The following DGKI variants were observed in gnomAD, a reference collection of about 807,000 sequenced individuals.
DGKI encodes DAG kinase iota.
A neutral mutation model predicts 147.5 loss-of-function variants in DGKI; 55 were observed. The observed-to-expected ratio is 0.37, with a 90% confidence interval of 0.30 to 0.47. The LOEUF (loss-of-function observed/expected upper bound fraction) is 0.47, where lower values mean the gene tolerates loss of function less well. Ranked by LOEUF, DGKI falls within the 20% of genes least tolerant of loss-of-function variation. The pLI is 1.00. For missense variants in DGKI, 1,007 were observed against 1,323.8 expected (o/e 0.76, Z 3.71); for synonymous variants, 469 against 477.1 (o/e 0.98, Z 0.22).
chr7:137,837,181 G>A (rs1334336868), intron 1 of DGKI, among the ~76,000 whole-genome samples: 4 of 152,124 alleles, frequency 2.6e-5, no homozygotes, highest in Non-Finnish European at 5.9e-5. Context: ...CTTAATTGAC[G>A]GTCCAGTGAA....
chr7:137,396,972 T>C (rs1417196837), intron 31 of DGKI, among the ~76,000 whole-genome samples: 1 of 152,236 alleles, frequency 6.6e-6, no homozygotes, highest in Non-Finnish European at 1.5e-5. Context: ...AGAGAGAAGT[T>C]ATGTCACTAC....
chr7:137,736,537 A>G (rs1238005316), intron 1 of DGKI, among the ~76,000 whole-genome samples: 2 of 152,158 alleles, frequency 1.3e-5, no homozygotes, highest in African/African-American at 4.8e-5. Context: ...CAATCAATAA[A>G]TTTAACTTCT....
At chr7:137,562,513 C>A (rs900459648) in intron 19 of DGKI, among the ~76,000 whole-genome samples, 1 of 151,770 alleles carries the variant, frequency 6.6e-6, no homozygotes, top group Non-Finnish European at 1.5e-5. Flanking sequence ...CCAGTCTGGG[C>A]AACAAGAGCA....
At chr7:137,627,550 C>CA (rs779825646) in intron 6 of DGKI, among the ~76,000 whole-genome samples, 48 of 152,038 alleles carry the variant, frequency 3.2e-4, no homozygotes, top group Non-Finnish European at 2.9e-5. Context: ...TCCTTCCAGG[C>CA]AAAAAAACTA....
intron 6 of DGKI, among the ~76,000 whole-genome samples, chr7:137,638,489 CACACAT>C (rs1821436963): frequency 1.7e-5 from 2 of 120,360 alleles, no homozygotes; most frequent in East Asian, 2.5e-4. Context: ...TATATATATA[CACACAT>C]ATATATGTAT....
Position 137,428,535 on chromosome 7 carries a change from T to C in DGKI, c.2761+15542A>G, listed in dbSNP as rs1402815447. ...CTCACCACTCCTATTTGACATAGTGTTGGAAGTTCTGGCCAGGGCAATTAG... is the reference window on the plus strand; with the variant it reads ...CTCACCACTCCTATTTGACATAGTGCTGGAAGTTCTGGCCAGGGCAATTAG... On this transcript the variant is annotated intron_variant, in intron 28 of 32. Coordinates refer to ENST00000614521, the MANE Select transcript of DGKI (RefSeq NM_001321708.2). Among the ~76,000 whole-genome samples the C allele has an allele frequency of 5.1e-3, 781 of 151,882 alleles. 9 individuals are homozygous for C. Among genetic ancestry groups the C allele is most frequent in the African/African-American group, 0.018 (733 of 41,164 alleles).
In DGKI at chr7:137,522,449, A is replaced by G. The variant is rs1427477344; in HGVS notation, c.2148-483T>C. Among the ~76,000 whole-genome samples the G allele has an allele frequency of 3.3e-5, 5 of 151,712 alleles. No individual in the cohort carries two copies. The East Asian group carries it at 7.8e-4, about 24-fold the overall frequency. On this transcript the variant is annotated intron_variant, in intron 20 of 32. Coordinates refer to ENST00000614521, the MANE Select transcript of DGKI (RefSeq NM_001321708.2). Reference sequence around the variant, plus strand: ...CCAGAAGCCACAGGGTTGAGACCGAAGTAGCTCTACACAGCTCAATAGCCT... The same window carrying G: ...CCAGAAGCCACAGGGTTGAGACCGAGGTAGCTCTACACAGCTCAATAGCCT...
intron 27 of DGKI, among the ~76,000 whole-genome samples, chr7:137,455,061 G>C (rs765561999): frequency 2.0e-5 from 3 of 152,112 alleles, no homozygotes; most frequent in Non-Finnish European, 4.4e-5. Context: ...CTCAGCCACA[G>C]CTACTTATTT....
intron 1 of DGKI, among the ~76,000 whole-genome samples, chr7:137,691,809 T>TTTTTGTTTTTTTTTTG (rs1823620113): frequency 7.1e-6 from 1 of 141,072 alleles, no homozygotes; most frequent in African/African-American, 2.8e-5. Flanking sequence ...TTTTTTTTTT[T>TTTTTGTTTTTTTTTTG]TTTTTTTTTT....
At chr7:137,485,912 A>G (rs1815539755) in intron 22 of DGKI, among the ~76,000 whole-genome samples, 1 of 152,134 alleles carries the variant, frequency 6.6e-6, no homozygotes, top group African/African-American at 2.4e-5. Context: ...CTACAAAGAG[A>G]AAATCACCAA....
chr7:137,632,775 C>T (rs554271427), intron 6 of DGKI, among the ~76,000 whole-genome samples: 15 of 152,238 alleles, frequency 9.9e-5, no homozygotes, highest in Non-Finnish European at 1.9e-4. Flanking sequence ...AGGAGAATTG[C>T]TTGAACCCAG....
In DGKI at chr7:137,846,523, T is replaced by A; in HGVS notation, c.340A>T (p.Lys114Ter). The A allele has an allele frequency of 6.4e-7, 1 of 1,573,042 alleles. No homozygotes were observed. Among genetic ancestry groups the A allele is most frequent in the Non-Finnish European group, 8.6e-7 (1 of 1,163,162 alleles). ...AGCTTCTCCTCCAGCGCTTCGTCCT[T>A]CTCCTTCTGGCCGGCGGCCGCGGGC... The part of the protein sequence containing the change: ...DEPAAAGQKE[K>*]DEALEEKLRN... The change falls in exon 1 of 33, where the codon AAG (lysine) becomes TAG (stop). Residue 114 changes from lysine to a stop codon, truncating the protein, a stop_gained. Coordinates refer to ENST00000614521, the MANE Select transcript of DGKI (RefSeq NM_001321708.2). LOFTEE classifies it high-confidence loss of function. The surrounding 1 kb of genome is among the most constrained non-coding windows in gnomAD (Gnocchi z 4.0).
At chr7:137,405,248 A>ATT (rs34385874) in intron 30 of DGKI, among the ~76,000 whole-genome samples, 6 of 151,176 alleles carry the variant, frequency 4.0e-5, no homozygotes, top group East Asian at 2.0e-4. Flanking sequence ...TATTGTTATC[A>ATT]TTTTTTTTTC....
At chr7:137,793,307 G>T (rs1395738370) in intron 1 of DGKI, among the ~76,000 whole-genome samples, 16 of 143,908 alleles carry the variant, frequency 1.1e-4, no homozygotes, top group Admixed American at 1.4e-4. Flanking sequence ...CCTTTTTTTT[G>T]TTTTTTTTTT....
At chr7:137,613,448 G>A (rs912997228) in intron 8 of DGKI, among the ~76,000 whole-genome samples, 1 of 152,066 alleles carries the variant, frequency 6.6e-6, no homozygotes, top group Non-Finnish European at 1.5e-5. Context: ...TAAATCACAA[G>A]TACTAATGAA....
At chr7:137,551,028 G>A (rs935566255) in intron 20 of DGKI, among the ~76,000 whole-genome samples, 4 of 152,306 alleles carry the variant, frequency 2.6e-5, no homozygotes, top group African/African-American at 9.6e-5. Flanking sequence ...AAGGCAGGGA[G>A]GGCAGCAGGC....
At chr7:137,694,462 A>G (rs1257330806) in intron 1 of DGKI, among the ~76,000 whole-genome samples, 4 of 151,994 alleles carry the variant, frequency 2.6e-5, no homozygotes, top group African/African-American at 7.3e-5. Context: ...CCCGTTTTCT[A>G]TCTATCCTCA....
At chr7:137,408,598 C>A (rs1812050701) in intron 29 of DGKI, among the ~76,000 whole-genome samples, 2 of 152,152 alleles carry the variant, frequency 1.3e-5, no homozygotes, top group Admixed American at 6.5e-5. Flanking sequence ...TGCAGCCCAG[C>A]CTGCAAACCT....
rs571272136 is a variant in DGKI, at chr7:137,384,473, T to G, written c.*6747A>C. 1.3e-5 allele frequency: 2 copies of G among 151,828 alleles called. No individual in the cohort carries two copies. The highest frequency in any genetic ancestry group is 2.9e-5 in the Non-Finnish European group (2 of 67,920). The allele number at this position is 151,828 out of a possible 1,614,324, so 9.4% of individuals were successfully genotyped here. A position where few individuals can be genotyped will look rare whatever the true frequency, so the allele number is the denominator to read the frequency against. On this transcript the variant is annotated 3_prime_UTR_variant, in exon 33 of 33. Coordinates refer to ENST00000614521, the MANE Select transcript of DGKI (RefSeq NM_001321708.2). ...TGATATAAAACATCCTTGAAGGCAA[T>G]GATGGAAAATGACTTACTTAGAAAA...
Sources: allele counts gnomAD v4.1 joint callset (sites outside exome capture counted in the v4.1 genomes callset), GRCh38; gene constraint gnomAD v4.1.1; non-coding constraint Gnocchi (gnomAD v3.1); transcripts MANE v1.5; gene names NCBI Gene and HGNC (gene_info 2026-07-23, HGNC 2026-07-21).